Variants in WSCD2 observed in about 807,000 individuals in gnomAD.
WSCD2 encodes the protein sialate:O-sulfotransferase 2.
WSCD2 carries 28 observed loss-of-function variants against 55.7 expected under a neutral mutation model. The observed-to-expected ratio is 0.50, with a 90% CI of 0.37 to 0.69. WSCD2 has a LOEUF of 0.69. WSCD2 is among the 30% of genes least tolerant of loss of function. The probability of loss-of-function intolerance (pLI) is 0.00; values close to 1 mark genes in which losing one functional copy is unlikely to be tolerated. For missense variants in WSCD2, 616 were observed against 762.1 expected (o/e 0.81, Z 2.26); for synonymous variants, 301 against 301.9 (o/e 1.00, Z 0.03).
At chr12:108,187,108 A>G (rs1478684917) in intron 1 of WSCD2, among the ~76,000 whole-genome samples, 1 of 152,172 alleles carries the variant, frequency 6.6e-6, no homozygotes, top group East Asian at 1.9e-4. Context: ...TCCCAACTCC[A>G]TATTTCTGGG....
At chr12:108,135,482 G>A (rs1158856388) in intron 1 of WSCD2, among the ~76,000 whole-genome samples, 2 of 152,202 alleles carry the variant, frequency 1.3e-5, no homozygotes, top group Admixed American at 6.5e-5. Flanking sequence ...CTTTCATGCT[G>A]GAAGCCATAA....
intron 1 of WSCD2, among the ~76,000 whole-genome samples, chr12:108,157,326 CATT>C (rs749713813): frequency 1.3e-5 from 2 of 152,278 alleles, no homozygotes; most frequent in East Asian, 1.9e-4. Flanking sequence ...AATATTGATA[CATT>C]ATTATTACCT....
chr12:108,133,079 G>A (rs957054301), intron 1 of WSCD2, among the ~76,000 whole-genome samples: 1 of 152,154 alleles, frequency 6.6e-6, no homozygotes, highest in Non-Finnish European at 1.5e-5. Flanking sequence ...CTGTGGGTGT[G>A]TGACTGTGTG....
At chr12:108,161,333 G>A (rs947089461) in intron 1 of WSCD2, among the ~76,000 whole-genome samples, 1 of 152,158 alleles carries the variant, frequency 6.6e-6, no homozygotes, top group African/African-American at 2.4e-5. Context: ...AATTGCAGAT[G>A]GAATTAGTTA....
chr12:108,161,796 C>T (rs531737431), intron 1 of WSCD2, among the ~76,000 whole-genome samples: 3 of 152,276 alleles, frequency 2.0e-5, no homozygotes, highest in South Asian at 4.2e-4. Flanking sequence ...TGTGGTGGGT[C>T]CAGAATGGGT....
chr12:108,146,288 T>C (rs1877386738), intron 1 of WSCD2, among the ~76,000 whole-genome samples: 1 of 152,238 alleles, frequency 6.6e-6, no homozygotes, highest in Non-Finnish European at 1.5e-5. Flanking sequence ...GAGCATCCTC[T>C]GAAATCCTGT....
intron 2 of WSCD2, among the ~76,000 whole-genome samples, chr12:108,206,063 T>C (rs998010711): frequency 1.3e-5 from 2 of 152,218 alleles, no homozygotes; most frequent in Non-Finnish European, 2.9e-5. Flanking sequence ...AGGGCTTGGC[T>C]GCAGCCCACA....
chr12:108,173,546 A>T (rs4964644), intron 1 of WSCD2, among the ~76,000 whole-genome samples: 22 of 149,398 alleles, frequency 1.5e-4, no homozygotes, highest in Middle Eastern at 6.8e-3. Context: ...GCTTCTCAGG[A>T]GTTCCCACAA....
At chr12:108,218,308 A>G (rs1199645762) in intron 4 of WSCD2, among the ~76,000 whole-genome samples, 1 of 150,740 alleles carries the variant, frequency 6.6e-6, no homozygotes, top group East Asian at 2.4e-4. Context: ...GAGGAGAAAC[A>G]GAGTCGGGAT....
At chr12:108,225,065 A>G (rs724833) in intron 5 of WSCD2, among the ~76,000 whole-genome samples, 105,192 of 152,150 alleles carry the variant, frequency 0.69, 36,757 homozygotes, top group East Asian at 0.87. Flanking sequence ...TCCTGCCTTT[A>G]AGGAAGTGAG....
chr12:108,187,918 C>T (rs948999216), intron 1 of WSCD2, among the ~76,000 whole-genome samples: 1 of 152,176 alleles, frequency 6.6e-6, no homozygotes, highest in Non-Finnish European at 1.5e-5. Context: ...TCCATAGTGG[C>T]CCACCCTGAC....
chr12:108,245,818 A>G lies in WSCD2; in HGVS notation c.1346-2173A>G, dbSNP rs191406623. On this transcript the variant is annotated intron_variant, in intron 8 of 8. Coordinates refer to ENST00000547525, the MANE Select transcript of WSCD2 (RefSeq NM_014653.4). ...AACCCATTATAACAGTACGGGCCCA[A>G]TTAGCCAGATACATTATAAATAATC... 1.7e-4 allele frequency among the ~76,000 whole-genome samples: 26 copies of G among 152,338 alleles called. No individual in the cohort carries two copies. In the East Asian group the frequency reaches 2.1e-3, roughly 12 times the overall value.
chr12:108,196,249 G>A (rs993349820), intron 2 of WSCD2, 35 bp downstream of exon 2: 3 of 1,573,064 alleles, frequency 1.9e-6, no homozygotes, highest in Non-Finnish European at 2.6e-6. Flanking sequence ...CTGAGGGGCT[G>A]GGGAGAAGGG....
At chr12:108,221,238 T>C (rs1381240600) in intron 4 of WSCD2, among the ~76,000 whole-genome samples, 1 of 152,104 alleles carries the variant, frequency 6.6e-6, no homozygotes, top group Non-Finnish European at 1.5e-5. Context: ...TCCCGCCTCA[T>C]TGCCATAAAT....
intron 1 of WSCD2, among the ~76,000 whole-genome samples, chr12:108,194,466 T>C (rs1220540774): frequency 2.6e-5 from 4 of 152,222 alleles, no homozygotes; most frequent in Non-Finnish European, 5.9e-5. Context: ...CGATTTGGAC[T>C]GTCCTGGGTC....
chr12:108,204,798 G>A (rs1885124495), intron 2 of WSCD2, among the ~76,000 whole-genome samples: 1 of 152,224 alleles, frequency 6.6e-6, no homozygotes, highest in African/African-American at 2.4e-5. Context: ...GCAGAGCCGT[G>A]TTCAGGGGAA....
intron 1 of WSCD2, among the ~76,000 whole-genome samples, chr12:108,183,898 G>C (rs1882122384): frequency 6.6e-6 from 1 of 152,184 alleles, no homozygotes; most frequent in Non-Finnish European, 1.5e-5. Flanking sequence ...TCTGTAAAGT[G>C]AGATTAAACC....
intron 1 of WSCD2, among the ~76,000 whole-genome samples, chr12:108,166,778 T>TTTCTTTCTTTC (rs1879689470): frequency 6.7e-6 from 1 of 149,132 alleles, no homozygotes; most frequent in East Asian, 2.0e-4. Flanking sequence ...TCTTTCTTTC[T>TTTCTTTCTTTC]TTCTTTCTTT....
At chr12:108,139,759 G>A (rs897333034) in intron 1 of WSCD2, among the ~76,000 whole-genome samples, 6 of 152,230 alleles carry the variant, frequency 3.9e-5, no homozygotes, top group Non-Finnish European at 7.3e-5. Context: ...ATCATTATTA[G>A]TAGGGAGAGA....
Sources: gnomAD v4.1 joint callset for allele counts (sites outside exome capture counted in the v4.1 genomes callset) on GRCh38, gnomAD v4.1.1 for gene constraint, MANE v1.5 for transcripts, NCBI Gene and HGNC (gene_info 2026-07-23, HGNC 2026-07-21) for gene names.